Variants in WNT2B observed in about 807,000 individuals in gnomAD.
WNT2B encodes Wnt family member 2B, also known as protein Wnt-2b.
Under a neutral mutation model 40.5 loss-of-function variants are expected in WNT2B, and 19 were observed. The ratio of observed to expected loss-of-function variants is 0.47; its 90% CI spans 0.33 to 0.69. The LOEUF is 0.69. Among genes scored for constraint, WNT2B ranks in the 30% least tolerant of loss-of-function variants. WNT2B has a pLI of 0.02. For synonymous variants in WNT2B, 220 were observed against 211.9 expected (o/e 1.04, Z -0.33); for missense variants, 467 against 556.4 (o/e 0.84, Z 1.62).
At chr1:112,510,306 G>C (rs1323560809) in intron 1 of WNT2B, among the ~76,000 whole-genome samples, 2 of 152,180 alleles carry the variant, frequency 1.3e-5, no homozygotes, top group East Asian at 3.9e-4. Flanking sequence ...CTTCCCGTAG[G>C]AGAAGGAGCT....
chr1:112,467,359 T>G, exon 1 of WNT2B: 2 of 583,206 alleles, frequency 3.4e-6, no homozygotes, highest in South Asian at 4.5e-5. Flanking sequence ...CACAGGCACA[T>G]TTACCAAGAA....
At chr1:112,467,118 A>G in exon 1 of WNT2B, 1 of 164,624 alleles carries the variant, frequency 6.1e-6, no homozygotes, top group Non-Finnish European at 1.3e-5. Context: ...GGAGAGGTAG[A>G]TGCTCCCAGG....
chr1:112,467,788 T>G (rs1213233063), intron 1 of WNT2B, among the ~76,000 whole-genome samples: 1 of 152,240 alleles, frequency 6.6e-6, no homozygotes, highest in Admixed American at 6.5e-5. Context: ...CTTGAGTATT[T>G]ATCATTTCTA....
chr1:112,468,561 C>T (rs886351184), intron 1 of WNT2B, among the ~76,000 whole-genome samples: 3 of 152,114 alleles, frequency 2.0e-5, no homozygotes, highest in Non-Finnish European at 4.4e-5. Flanking sequence ...TGACATTGAG[C>T]ATTTTTTCAT....
intron 4 of WNT2B, chr1:112,518,301 T>A (rs546832123): frequency 6.6e-6 from 1 of 152,344 alleles, no homozygotes; most frequent in East Asian, 1.9e-4. Flanking sequence ...CTCTGGTTAT[T>A]GCTGTGGGGC....
In WNT2B at chr1:112,520,298, G is replaced by A. The variant is rs749872142; in HGVS notation, c.965G>A (p.Gly322Asp). ...DKAAGSLGTA[G>D]RVCSKTSKGT... ...AACCCAGGTTCCCTAGGCACTGCAG[G>A]CCGTGTCTGCAGCAAGACATCAAAA... Residue 322 changes from glycine (G) to aspartate (D), a missense_variant, in exon 5 of 5, where the codon GGC becomes GAC. By Grantham distance (94) the Gly-to-Asp change is moderately conservative. Around this residue, in one of 2 missense-constraint regions of WNT2B, gnomAD observed 330 missense variants for 438.6 expected, o/e 0.75. Coordinates refer to ENST00000369684, the MANE Select transcript of WNT2B (RefSeq NM_024494.3). 6.2e-7 allele frequency: 1 copy of A among 1,614,010 alleles called. No homozygotes were observed. Among genetic ancestry groups the A allele is most frequent in the Admixed American group, 1.7e-5 (1 of 59,978 alleles).
In WNT2B at chr1:112,515,992, G is replaced by T. The variant is rs911270910; in HGVS notation, c.404-148G>T. ...TACTCTGGGGAATGCTCTTGGAAAT[G>T]AAAGGCACCTTGAATAAAGGGGGTG... is the stretch of plus-strand genomic sequence containing the variant. On this transcript the variant is annotated intron_variant, in intron 2 of 4. Transcript: ENST00000369684. This position sits in a 1 kb window ranked among gnomAD's most constrained non-coding sequence, Gnocchi z 4.4. The T allele has an allele frequency of 7.9e-6, 8 of 1,011,074 alleles. No individual in the cohort carries two copies. The highest frequency in any genetic ancestry group is 1.1e-5 in the Non-Finnish European group (8 of 701,006). 62.6% of individuals were successfully genotyped at this position (1,011,074 alleles called of 1,614,324 possible). A position where few individuals can be genotyped will look rare whatever the true frequency, so the allele number is the denominator to read the frequency against.
At chr1:112,500,665 G>A (rs946541641) in intron 1 of WNT2B, among the ~76,000 whole-genome samples, 2 of 152,004 alleles carry the variant, frequency 1.3e-5, no homozygotes, top group African/African-American at 4.8e-5. Flanking sequence ...CCAGCTAATC[G>A]GGAGACTGAG....
Position 112,517,245 on chromosome 1 carries a change from A to G in WNT2B, c.806A>G (p.Tyr269Cys), listed in dbSNP as rs943157512. The part of the protein sequence containing the change: ...RRTGDYLRRR[Y>C]DGAVQVMATQ... ...ACAGGTGATTACCTGCGGCGACGCT[A>G]TGATGGGGCTGTGCAGGTGATGGCC... Residue 269 changes from tyrosine to cysteine, a missense_variant, in exon 4 of 5, where the codon TAT (tyrosine) becomes TGT (cysteine). By Grantham distance (194) the Tyr-to-Cys change is radical. This residue lies in a region of WNT2B where 330 missense variants were observed against 438.6 expected (regional missense o/e 0.75). Transcript: ENST00000369684. 4 of 1,614,184 alleles carry G rather than the reference A, an allele frequency of 2.5e-6. No individual in the cohort carries two copies. The highest frequency in any genetic ancestry group is 3.4e-6 in the Non-Finnish European group (4 of 1,180,038).
intron 3 of WNT2B, among the ~76,000 whole-genome samples, chr1:112,516,796 A>AT (rs1652569400): frequency 1.3e-5 from 2 of 152,240 alleles, no homozygotes; most frequent in South Asian, 4.1e-4. Context: ...AGTAGAAGGC[A>AT]TGGTACCTGG....
intron 1 of WNT2B, among the ~76,000 whole-genome samples, chr1:112,501,989 C>G (rs1373239346): frequency 6.6e-6 from 1 of 152,256 alleles, no homozygotes; most frequent in Non-Finnish European, 1.5e-5. Context: ...GCGAACGCCA[C>G]GGCGCGGCGC....
At chr1:112,494,319 A>G (rs1651703049) in intron 1 of WNT2B, among the ~76,000 whole-genome samples, 1 of 151,398 alleles carries the variant, frequency 6.6e-6, no homozygotes, top group Non-Finnish European at 1.5e-5. Flanking sequence ...CAAAAAAAAA[A>G]ATTATATCTA....
rs7546216 is a variant in WNT2B at position 112,488,746 on chromosome 1, G to A, written c.-95+21155G>A. Reference sequence around the variant, plus strand: ...TTTTTTTGTATTTTTAATAAAGACAGGTTTTCACCATGTTAACCAGGATGG... The same window carrying A: ...TTTTTTTGTATTTTTAATAAAGACAAGTTTTCACCATGTTAACCAGGATGG... On this transcript the variant is annotated intron_variant, in intron 1 of 4. Transcript: ENST00000256640. 2.2e-3 allele frequency among the ~76,000 whole-genome samples: 338 copies of A among 151,910 alleles called. 2 individuals carry two copies. Among genetic ancestry groups the A allele is most frequent in the African/African-American group, 7.7e-3 (320 of 41,454 alleles).
intron 4 of WNT2B, 53 bp from the exon 5 acceptor site, chr1:112,520,227 C>T (rs773457770): frequency 2.6e-5 from 40 of 1,536,348 alleles, no homozygotes; most frequent in Non-Finnish European, 3.6e-5. Flanking sequence ...TAAGGGTATC[C>T]AGGGCAGCTG....
upstream of WNT2B, among the ~76,000 whole-genome samples, chr1:112,505,972 C>G (rs1652093458): frequency 3.3e-5 from 5 of 152,274 alleles, no homozygotes; most frequent in South Asian, 1.0e-3. Flanking sequence ...CTCACCCCTC[C>G]CTTCAGCTCA....
rs1653197107 is a variant in WNT2B, at chr1:112,525,099, T to A, written c.*4590T>A. ...TGTATAAGTTCGCAAGGCTGGTTCA[T>A]GCCAGAGATAGTGAGATGTGCACCC... On this transcript the variant is annotated 3_prime_UTR_variant, in exon 5 of 5. Transcript: ENST00000369684. The A allele has an allele frequency of 1.3e-5, 2 of 152,366 alleles. No homozygotes were observed. The highest frequency in any genetic ancestry group is 4.8e-5 in the African/African-American group (2 of 41,560). The allele number at this position is 152,366 out of a possible 1,614,324, so 9.4% of individuals were successfully genotyped here.
At chr1:112,516,817 C>T (rs1271022680) in intron 3 of WNT2B, among the ~76,000 whole-genome samples, 2 of 152,216 alleles carry the variant, frequency 1.3e-5, no homozygotes, top group East Asian at 1.9e-4. Flanking sequence ...CACTCTAAAA[C>T]GTGAAAAGTA....
At chr1:112,495,064 A>G (rs1220509567) in intron 1 of WNT2B, among the ~76,000 whole-genome samples, 1 of 151,518 alleles carries the variant, frequency 6.6e-6, no homozygotes, top group Non-Finnish European at 1.5e-5. Context: ...GCAGTATAGT[A>G]TTATTTGAAA....
rs114886183 is a variant in WNT2B, at chr1:112,515,897, G to A, written c.404-243G>A. 2.1e-3 allele frequency among the ~76,000 whole-genome samples: 321 copies of A among 152,294 alleles called. No individual in the cohort carries two copies. The highest frequency in any genetic ancestry group is 7.2e-3 in the African/African-American group (298 of 41,560). ...AATTTGGCAGGAAACAAGAGTATAG[G>A]TCAGCTCAAAAGGTCAGATATACAA... On this transcript the variant is annotated intron_variant, in intron 2 of 4. Transcript: ENST00000369684. This position sits in a 1 kb window ranked among gnomAD's most constrained non-coding sequence, Gnocchi z 4.4.
Sources: allele counts gnomAD v4.1 joint callset (sites outside exome capture counted in the v4.1 genomes callset), GRCh38; gene constraint gnomAD v4.1.1; regional missense constraint gnomAD v4.1.1; non-coding constraint Gnocchi (gnomAD v3.1); transcripts MANE v1.5; gene names NCBI Gene and HGNC (gene_info 2026-07-23, HGNC 2026-07-21).